Variants in STT3B observed in about 807,000 individuals in gnomAD.
The protein encoded by STT3B is STT3 oligosaccharyltransferase complex catalytic subunit B.
STT3B carries 29 observed loss-of-function variants against 96.8 expected under a neutral mutation model. The observed-to-expected ratio is 0.30, with a 90% confidence interval of 0.22 to 0.41. STT3B has a LOEUF of 0.41. STT3B is among the 10% of genes least tolerant of loss of function. STT3B has a pLI of 1.00. For missense variants in STT3B, 640 were observed against 1,022.3 expected, an observed-to-expected ratio of 0.63 and a Z score of 5.10; for synonymous variants, 367 against 360.0, an observed-to-expected ratio of 1.02 and a Z score of -0.22.
intron 1 of STT3B, among the ~76,000 whole-genome samples, chr3:31,573,605 T>C (rs191692094): frequency 1.3e-4 from 20 of 152,308 alleles, no homozygotes; most frequent in African/African-American, 3.8e-4. Flanking sequence ...AAAGCAGATA[T>C]AGTGCATATG....
intron 5 of STT3B, among the ~76,000 whole-genome samples, chr3:31,609,212 C>A (rs1559384866): frequency 6.6e-6 from 1 of 152,104 alleles, no homozygotes; most frequent in Non-Finnish European, 1.5e-5. Context: ...TAGTTTAAAT[C>A]TTTTTTTATT....
intron 15 of STT3B, among the ~76,000 whole-genome samples, chr3:31,635,665 G>A (rs1166313737): frequency 5.3e-5 from 8 of 152,178 alleles, no homozygotes; most frequent in African/African-American, 1.7e-4. Flanking sequence ...TTAGTCTAGT[G>A]TTACATATTC....
At chr3:31,545,680 G>A (rs1012168752) in intron 1 of STT3B, among the ~76,000 whole-genome samples, 2 of 151,936 alleles carry the variant, frequency 1.3e-5, no homozygotes, top group East Asian at 3.8e-4. Context: ...TTTGTTTAAC[G>A]TTTCCATTGC....
chr3:31,626,428 C>T (rs1699539675), intron 13 of STT3B, among the ~76,000 whole-genome samples: 1 of 152,128 alleles, frequency 6.6e-6, no homozygotes, highest in African/African-American at 2.4e-5. Flanking sequence ...ATTGCTTCCA[C>T]TCTAGTACTT....
At chr3:31,594,698 G>A (rs1698746991) in intron 3 of STT3B, among the ~76,000 whole-genome samples, 1 of 152,176 alleles carries the variant, frequency 6.6e-6, no homozygotes, top group Non-Finnish European at 1.5e-5. Flanking sequence ...GGAATTACAG[G>A]CATGAGCCAC....
chr3:31,573,853 T>TA (rs2125450865), intron 1 of STT3B, among the ~76,000 whole-genome samples: 1 of 152,160 alleles, frequency 6.6e-6, no homozygotes, highest in East Asian at 1.9e-4. Flanking sequence ...AGTGAATTAA[T>TA]AAGAGTATCT....
chr3:31,555,188 A>G (rs924929182), intron 1 of STT3B, among the ~76,000 whole-genome samples: 2 of 152,198 alleles, frequency 1.3e-5, no homozygotes, highest in African/African-American at 4.8e-5. Flanking sequence ...CCTTCTTGGC[A>G]AGATGTTTAG....
At chr3:31,626,345 C>T (rs952968661) in intron 13 of STT3B, among the ~76,000 whole-genome samples, 2 of 152,188 alleles carry the variant, frequency 1.3e-5, no homozygotes, top group Non-Finnish European at 2.9e-5. Flanking sequence ...CCCTATGAAG[C>T]AGTCCCTTGC....
At chr3:31,584,759 T>C (rs1270712161) in intron 3 of STT3B, among the ~76,000 whole-genome samples, 1 of 152,158 alleles carries the variant, frequency 6.6e-6, no homozygotes, top group Non-Finnish European at 1.5e-5. Context: ...ATTTGAAAAT[T>C]AGAACACTTG....
At chr3:31,612,590 ATCACTC>A (rs1257446545) in intron 5 of STT3B, among the ~76,000 whole-genome samples, 1 of 152,162 alleles carries the variant, frequency 6.6e-6, no homozygotes, top group Non-Finnish European at 1.5e-5. Flanking sequence ...TGAACTCTCC[ATCACTC>A]TTATTATTAA....
At chr3:31,561,176 T>A (rs1697868686) in intron 1 of STT3B, among the ~76,000 whole-genome samples, 2 of 152,168 alleles carry the variant, frequency 1.3e-5, no homozygotes, top group South Asian at 4.1e-4. Flanking sequence ...TTTATATTGT[T>A]TTTCAGAATT....
intron 1 of STT3B, among the ~76,000 whole-genome samples, chr3:31,542,265 A>G (rs968177844): frequency 1.3e-5 from 2 of 152,212 alleles, no homozygotes. Flanking sequence ...TAAAGAAGGC[A>G]TTGGTTGCTT....
At chr3:31,571,090 G>A (rs1254204125) in intron 1 of STT3B, among the ~76,000 whole-genome samples, 1 of 152,104 alleles carries the variant, frequency 6.6e-6, no homozygotes, top group Non-Finnish European at 1.5e-5. Context: ...TTGGTCAAGA[G>A]GAGAGTATTT....
At position 31,618,011 on chromosome 3, in the gene STT3B, G is replaced by A. The variant is rs147027492; in HGVS notation, c.1172+23G>A. On this transcript the variant is annotated intron_variant, in intron 8 of 15. Coordinates refer to ENST00000295770, the MANE Select transcript of STT3B (RefSeq NM_178862.3). Reference sequence around the variant, plus strand: ...TGGGTAAGTACAGTTACATTATTTGGCATCATATTTATTGAAATACTGCTT... The same window carrying A: ...TGGGTAAGTACAGTTACATTATTTGACATCATATTTATTGAAATACTGCTT... 1,784 of 1,513,648 alleles carry A rather than the reference G, an allele frequency of 1.2e-3. 12 individuals carry two copies. In the African/African-American group the frequency reaches 0.016, roughly 14 times the overall value. 93.8% of individuals were successfully genotyped at this position (1,513,648 alleles called of 1,614,324 possible).
rs544253454 is a variant in STT3B, at chr3:31,552,826, G to A, written c.314+19514G>A. On this transcript the variant is annotated intron_variant, in intron 1 of 15. Transcript: ENST00000295770. Reference sequence around the variant, plus strand: ...TAGGCTCTTAAAACCAAATAAGGCCGGGCACGGTGGCTCACGCCTGTAATC... The same window carrying A: ...TAGGCTCTTAAAACCAAATAAGGCCAGGCACGGTGGCTCACGCCTGTAATC... Among the ~76,000 whole-genome samples, 9 of 152,216 alleles carry A rather than the reference G, an allele frequency of 5.9e-5. No individual in the cohort carries two copies. The South Asian group carries it at 1.2e-3, about 21-fold the overall frequency.
intron 5 of STT3B, among the ~76,000 whole-genome samples, chr3:31,611,386 C>T (rs190239357): frequency 1.3e-5 from 2 of 152,264 alleles, no homozygotes; most frequent in East Asian, 3.9e-4. Flanking sequence ...ATTGACCATA[C>T]TCAAGTTAAT....
At chr3:31,615,025 CAGGATTT>C in intron 5 of STT3B, 73 bp from the exon 6 acceptor site, 1 of 782,820 alleles carries the variant, frequency 1.3e-6, no homozygotes, top group Non-Finnish European at 2.0e-6. Context: ...TTGCTAAAAA[CAGGATTT>C]ACATATACAT....
chr3:31,611,083 G>A (rs112412687), intron 5 of STT3B, among the ~76,000 whole-genome samples: 34 of 152,234 alleles, frequency 2.2e-4, no homozygotes, highest in African/African-American at 8.2e-4. Context: ...TTTAGTTAGG[G>A]TTCTTAAAGA....
At chr3:31,628,769 G>T (rs1474213253) in intron 13 of STT3B, among the ~76,000 whole-genome samples, 1 of 152,162 alleles carries the variant, frequency 6.6e-6, no homozygotes, top group African/African-American at 2.4e-5. Context: ...GGGTAATTGA[G>T]AGAGCCAGCC....
Sources: gnomAD v4.1 joint callset for allele counts (sites outside exome capture counted in the v4.1 genomes callset) on GRCh38, gnomAD v4.1.1 for gene constraint, MANE v1.5 for transcripts, NCBI Gene and HGNC (gene_info 2026-07-23, HGNC 2026-07-21) for gene names.